The following SPRYD3 variants were observed in gnomAD, a reference collection of about 807,000 sequenced individuals.
SPRYD3 encodes the protein SPRY domain-containing protein 3.
SPRYD3 carries 17 observed loss-of-function variants against 50.1 expected under a neutral mutation model. The ratio of observed to expected loss-of-function variants is 0.34; its 90% CI spans 0.23 to 0.51. SPRYD3 has a LOEUF of 0.51. SPRYD3 is among the 20% of genes least tolerant of loss of function. The pLI is 0.97. For missense variants in SPRYD3, 401 were observed against 591.2 expected, an observed-to-expected ratio of 0.68 and a Z score of 3.34; for synonymous variants, 198 against 215.5, an observed-to-expected ratio of 0.92 and a Z score of 0.71.
intron 8 of SPRYD3, 31 bp from the exon 9 acceptor site, chr12:53,066,723 TGAG>T: frequency 4.4e-6 from 7 of 1,578,340 alleles, no homozygotes; most frequent in Non-Finnish European, 5.2e-6. Context: ...GACAAACACT[TGAG>T]GAAGGAGGGC....
chr12:53,077,281 A>C lies in SPRYD3; in HGVS notation c.24-20T>G. 1 of 1,613,860 alleles carries C rather than the reference A, an allele frequency of 6.2e-7. No individual in the cohort carries two copies. Among genetic ancestry groups the C allele is most frequent in the Non-Finnish European group, 8.5e-7 (1 of 1,179,856 alleles). On this transcript the variant is annotated intron_variant, in intron 1 of 10. Transcript: ENST00000301463. ...ACAAACCTGCCAAGGGGAGAAGGGG[A>C]TTGAGGAGAAAGCAGGGCCCTAGGT...
chr12:53,068,134 A>G (rs978493348), intron 7 of SPRYD3, 21 bp downstream of exon 7: 3 of 1,613,974 alleles, frequency 1.9e-6, no homozygotes, highest in South Asian at 2.2e-5. Context: ...ATGAGCAAAA[A>G]AGCTCAGCCT....
At chr12:53,077,031 A>G (rs1485275778) in intron 2 of SPRYD3, 84 bp downstream of exon 2, 12 of 1,421,314 alleles carry the variant, frequency 8.4e-6, no homozygotes, top group Non-Finnish European at 9.7e-6. Flanking sequence ...TTCTCTGAAA[A>G]AATAAAAGTT....
chr12:53,072,370 C>A (rs1485833113), intron 6 of SPRYD3, among the ~76,000 whole-genome samples: 1 of 152,148 alleles, frequency 6.6e-6, no homozygotes, highest in Non-Finnish European at 1.5e-5. Flanking sequence ...CCGCTCCCAC[C>A]CCCCACTGCT....
chr12:53,079,279 C>G, intron 1 of SPRYD3, 32 bp downstream of exon 1: 3 of 1,595,316 alleles, frequency 1.9e-6, no homozygotes, highest in Non-Finnish European at 2.6e-6. Context: ...AGATACGAGG[C>G]CTCCGGGACC....
At chr12:53,079,237 AG>A in intron 1 of SPRYD3, 73 bp downstream of exon 1, 1 of 1,357,174 alleles carries the variant, frequency 7.4e-7, no homozygotes, top group South Asian at 1.2e-5. Flanking sequence ...GCCCCCGCCC[AG>A]GACCCCCGCC....
At position 53,079,190 on chromosome 12, in the gene SPRYD3, A is replaced by G. The variant is rs1487297827; in HGVS notation, c.23+121T>C. On this transcript the variant is annotated intron_variant, in intron 1 of 10. Coordinates refer to ENST00000301463, the MANE Select transcript of SPRYD3 (RefSeq NM_032840.3). ...GAGGGTGCAGCAACAGAAGAAGCCC[A>G]GTGACCAGAGCGCAGGGCCCCGCCC... The G allele has an allele frequency of 7.6e-6, 8 of 1,049,096 alleles. No individual in the cohort carries two copies. The Admixed American group carries it at 1.8e-4, about 24-fold the overall frequency. The allele number at this position is 1,049,096 out of a possible 1,614,324, so 65.0% of individuals were successfully genotyped here. A position where few individuals can be genotyped will look rare whatever the true frequency, so the allele number is the denominator to read the frequency against.
chr12:53,074,567 C>G lies in SPRYD3; in HGVS notation c.507+82G>C. 1 of 1,570,232 alleles carries G rather than the reference C, an allele frequency of 6.4e-7. No homozygotes were observed. The highest frequency in any genetic ancestry group is 8.7e-7 in the Non-Finnish European group (1 of 1,147,062). ...GCAAGGGTCCCTGGGCAAGCCCCAG[C>G]CAGCAGACTCTTCCTAATCACTCCC... On this transcript the variant is annotated intron_variant, in intron 5 of 10. Transcript: ENST00000301463. This position sits in a 1 kb window ranked among gnomAD's most constrained non-coding sequence, Gnocchi z 4.6.
chr12:53,075,014 A>C, intron 4 of SPRYD3, 81 bp downstream of exon 4: 1 of 1,572,024 alleles, frequency 6.4e-7, no homozygotes, highest in Middle Eastern at 1.7e-4. Flanking sequence ...CCAATGGGAA[A>C]AGCCAGCCCA....
In SPRYD3 at chr12:53,075,000, A is replaced by C. The variant is rs571511526; in HGVS notation, c.371+95T>G. ...TGTCCTGACCAGAAAAGTCTATGAA[A>C]CACCCAATGGGAAAAGCCAGCCCAA... On this transcript the variant is annotated intron_variant, in intron 4 of 10. Transcript: ENST00000301463. This position sits in a 1 kb window ranked among gnomAD's most constrained non-coding sequence, Gnocchi z 4.6. The C allele has an allele frequency of 3.3e-6, 5 of 1,534,798 alleles. No individual in the cohort carries two copies. In the South Asian group the frequency reaches 5.8e-5, roughly 18 times the overall value.
Position 53,074,964 on chromosome 12 carries a change from G to A in SPRYD3, c.371+131C>T, listed in dbSNP as rs372428886. The A allele has an allele frequency of 2.9e-5, 41 of 1,404,820 alleles. No homozygotes were observed. In the East Asian group the frequency reaches 9.4e-4, roughly 32 times the overall value. 87.0% of individuals were successfully genotyped at this position (1,404,820 alleles called of 1,614,324 possible). ...CTGTAAGCCTTCAAGGGTGCTGCCA[G>A]GCCACTTCCCTGTCCTGACCAGAAA... On this transcript the variant is annotated intron_variant, in intron 4 of 10. Coordinates refer to ENST00000301463, the MANE Select transcript of SPRYD3 (RefSeq NM_032840.3). The surrounding 1 kb of genome is among the most constrained non-coding windows in gnomAD (Gnocchi z 4.6).
chr12:53,074,687 G>C lies in SPRYD3; in HGVS notation c.469C>G (p.Gln157Glu), dbSNP rs1944575469. The change falls in exon 5 of 11, where the codon CAG becomes GAG. Residue 157 changes from glutamine to glutamate, a missense_variant. Transcript: ENST00000301463. This position sits in a 1 kb window ranked among gnomAD's most constrained non-coding sequence, Gnocchi z 4.6. The stretch of plus-strand genomic sequence containing the variant: ...TTGGTGAAGAAGATCTGGGCGGTCT[G>C]CACATCAAAGGACACAGGCTCAATG... ...CGIEPVSFDV[Q>E]TAQIFFTKNG... 1 of 1,614,256 alleles carries C rather than the reference G, an allele frequency of 6.2e-7. No homozygotes were observed. The highest frequency in any genetic ancestry group is 8.5e-7 in the Non-Finnish European group (1 of 1,180,052).
At chr12:53,071,514 G>A (rs1276486075) in intron 6 of SPRYD3, among the ~76,000 whole-genome samples, 2 of 152,088 alleles carry the variant, frequency 1.3e-5, no homozygotes, top group African/African-American at 4.8e-5. Context: ...CAGGCCACAG[G>A]AGGCAGGGGA....
rs1047566420 is a variant in SPRYD3 at position 53,079,368 on chromosome 12, G to C, written c.-35C>G. 6 of 1,596,588 alleles carry C rather than the reference G, an allele frequency of 3.8e-6. No individual in the cohort carries two copies. Among genetic ancestry groups the C allele is most frequent in the East Asian group, 2.3e-5 (1 of 43,184 alleles). On this transcript the variant is annotated 5_prime_UTR_variant, in exon 1 of 11. Transcript: ENST00000301463. ...TCTCAGCTCCGCACACAAGCTCTTC[G>C]GCCGCCGCCACCACACACATCCGGG...
chr12:53,064,638 T>C lies in SPRYD3; in HGVS notation c.*1194A>G, dbSNP rs547001387. On this transcript the variant is annotated 3_prime_UTR_variant, in exon 11 of 11. Coordinates refer to ENST00000301463, the MANE Select transcript of SPRYD3 (RefSeq NM_032840.3). The stretch of plus-strand genomic sequence containing the variant: ...TCCATCTTTATCGGCTGTATAAACA[T>C]CTCTGGTCTGTACATACATTTCATA... The C allele has an allele frequency of 1.3e-5, 2 of 152,694 alleles. No individual in the cohort carries two copies. The highest frequency in any genetic ancestry group is 4.1e-4 in the South Asian group (2 of 4,834). 9.5% of individuals were successfully genotyped at this position (152,694 alleles called of 1,614,324 possible). A position where few individuals can be genotyped will look rare whatever the true frequency, so the allele number is the denominator to read the frequency against.
At chr12:53,078,974 C>T (rs1469977662) in intron 1 of SPRYD3, among the ~76,000 whole-genome samples, 2 of 152,232 alleles carry the variant, frequency 1.3e-5, no homozygotes, top group Non-Finnish European at 2.9e-5. Context: ...CCCGGGCACT[C>T]AGCCAGGACT....
chr12:53,073,256 G>GCCCCCGGGGGGGGGCCCCCCCCCCCCCC, intron 6 of SPRYD3, 30 bp downstream of exon 6: 1 of 424,134 alleles, frequency 2.4e-6, no homozygotes, highest in Non-Finnish European at 4.4e-6. Flanking sequence ...CTCCGACCCA[G>GCCCCCGGGGGGGGGCCCCCCCCCCCCCC]CCCCTCCCAC....
At position 53,073,453 on chromosome 12, in the gene SPRYD3, G is replaced by A. The variant is rs981581377; in HGVS notation, c.526C>T (p.Pro176Ser). 1.3e-6 allele frequency: 2 copies of A among 1,555,550 alleles called. No homozygotes were observed. The highest frequency in any genetic ancestry group is 1.2e-5 in the South Asian group (1 of 84,634). Reference protein sequence around the residue: ...NGKRVGSTIMPMSPDGLFPAV... With the variant: ...NGKRVGSTIMSMSPDGLFPAV... ...GGGAACAGTCCATCTGGGGACATGG[G>A]CATGATGGTAGAGCCCACCTGCAGT... is the stretch of plus-strand genomic sequence containing the variant. The change falls in exon 6 of 11, where the codon CCC (proline) becomes TCC (serine). Residue 176 changes from proline (P) to serine (S), a missense_variant. Physicochemically the swap from Pro to Ser is moderately conservative, Grantham distance 74. Coordinates refer to ENST00000301463, the MANE Select transcript of SPRYD3 (RefSeq NM_032840.3).
intron 6 of SPRYD3, among the ~76,000 whole-genome samples, chr12:53,072,149 G>A (rs1944554324): frequency 6.6e-6 from 1 of 152,212 alleles, no homozygotes; most frequent in African/African-American, 2.4e-5. Flanking sequence ...GTTTAACTCT[G>A]TAGATGTTGT....
Sources: allele counts gnomAD v4.1 joint callset (sites outside exome capture counted in the v4.1 genomes callset), GRCh38; gene constraint gnomAD v4.1.1; non-coding constraint Gnocchi (gnomAD v3.1); transcripts MANE v1.5; gene names NCBI Gene and HGNC (gene_info 2026-07-23, HGNC 2026-07-21).